Variants in PRKG1 observed in about 807,000 individuals in gnomAD.
PRKG1 encodes protein kinase cGMP-dependent 1, also known as cGMP-dependent protein kinase 1.
Under a neutral mutation model 88.1 loss-of-function variants are expected in PRKG1, and 35 were observed. The observed-to-expected ratio is 0.40, with a 90% CI of 0.30 to 0.53. The LOEUF (loss-of-function observed/expected upper bound fraction) is 0.53, where lower values mean the gene tolerates loss of function less well. Among genes scored for constraint, PRKG1 ranks in the 20% least tolerant of loss-of-function variants. The pLI is 0.59. For synonymous variants in PRKG1, 303 were observed against 292.5 expected (o/e 1.04, Z -0.37); for missense variants, 540 against 839.8 (o/e 0.64, Z 4.41).
chr10:51,381,992 C>G (rs1486412372), intron 2 of PRKG1, among the ~76,000 whole-genome samples: 1 of 152,130 alleles, frequency 6.6e-6, no homozygotes, highest in Non-Finnish European at 1.5e-5. Context: ...AACAGACTAC[C>G]TAAAATATAA....
At chr10:51,109,205 A>G (rs2131894149) in intron 1 of PRKG1, among the ~76,000 whole-genome samples, 1 of 152,308 alleles carries the variant, frequency 6.6e-6, no homozygotes, top group South Asian at 2.1e-4. Flanking sequence ...CCAAGGAGGC[A>G]TATTTGTAGA....
intron 5 of PRKG1, among the ~76,000 whole-genome samples, chr10:52,031,360 A>T (rs1317456816): frequency 6.6e-6 from 1 of 152,222 alleles, no homozygotes; most frequent in East Asian, 1.9e-4. Context: ...TCTTCTGCAG[A>T]TGTTAGAAAC....
chr10:51,342,378 C>T (rs1341466560), intron 2 of PRKG1, among the ~76,000 whole-genome samples: 8 of 151,952 alleles, frequency 5.3e-5, no homozygotes, highest in Non-Finnish European at 1.5e-5. Context: ...TTTTTTTTCA[C>T]CTCCTTATAC....
chr10:51,469,623 T>C (rs193031571), intron 3 of PRKG1, among the ~76,000 whole-genome samples: 18 of 152,052 alleles, frequency 1.2e-4, no homozygotes, highest in Admixed American at 5.9e-4. Flanking sequence ...GTGAATCTAA[T>C]TCAACAAGAA....
intron 3 of PRKG1, among the ~76,000 whole-genome samples, chr10:51,546,841 C>T (rs1842454178): frequency 6.6e-6 from 1 of 152,078 alleles, no homozygotes; most frequent in South Asian, 2.1e-4. Flanking sequence ...CTTCTTCCCT[C>T]AAACTTATAT....
intron 7 of PRKG1, among the ~76,000 whole-genome samples, chr10:52,070,011 C>T (rs1027949163): frequency 2.6e-5 from 4 of 152,052 alleles, no homozygotes; most frequent in African/African-American, 4.8e-5. Flanking sequence ...CTCTATTCCT[C>T]TCTTGAATAA....
At chr10:51,038,660 T>C (rs1188400979) in intron 1 of PRKG1, among the ~76,000 whole-genome samples, 1 of 152,216 alleles carries the variant, frequency 6.6e-6, no homozygotes, top group Admixed American at 6.5e-5. Flanking sequence ...AATGACTGGA[T>C]CTTGCTCTTT....
intron 2 of PRKG1, among the ~76,000 whole-genome samples, chr10:51,333,743 C>G (rs1419487607): frequency 6.6e-6 from 1 of 152,210 alleles, no homozygotes. Context: ...CATGCTTTCA[C>G]TGACAGGTAT....
chr10:51,281,095 G>T (rs1465524063), intron 2 of PRKG1, among the ~76,000 whole-genome samples: 1 of 152,194 alleles, frequency 6.6e-6, no homozygotes, highest in Admixed American at 6.5e-5. Context: ...AGGACCCTCA[G>T]CTGCAGGTCT....
chr10:52,059,986 T>C (rs992180085), intron 6 of PRKG1, among the ~76,000 whole-genome samples: 35 of 151,872 alleles, frequency 2.3e-4, no homozygotes, highest in African/African-American at 7.5e-4. Flanking sequence ...GGCAGAACAT[T>C]AGAAAGAAAG....
At chr10:51,163,596 G>A (rs1244539963) in intron 2 of PRKG1, among the ~76,000 whole-genome samples, 2 of 152,210 alleles carry the variant, frequency 1.3e-5, no homozygotes, top group Non-Finnish European at 2.9e-5. Context: ...GCGAGGCATT[G>A]CCTCACTCGG....
At chr10:51,808,027 T>C (rs1839352135) in intron 4 of PRKG1, among the ~76,000 whole-genome samples, 2 of 152,140 alleles carry the variant, frequency 1.3e-5, no homozygotes, top group Admixed American at 6.5e-5. Context: ...AGGTTAGCTA[T>C]ACTTGGTACC....
intron 9 of PRKG1, among the ~76,000 whole-genome samples, chr10:52,222,159 G>T (rs752948352): frequency 6.6e-6 from 1 of 152,022 alleles, no homozygotes; most frequent in Non-Finnish European, 1.5e-5. Flanking sequence ...GAAGACTCCC[G>T]TCCCTTTGAT....
intron 4 of PRKG1, among the ~76,000 whole-genome samples, chr10:51,856,440 G>C (rs1435374247): frequency 6.6e-6 from 1 of 152,122 alleles, no homozygotes; most frequent in Non-Finnish European, 1.5e-5. Context: ...ATTTTGCATG[G>C]GAAGCCATAG....
At chr10:51,065,782 T>G (rs1299193274) in intron 1 of PRKG1, among the ~76,000 whole-genome samples, 1 of 152,132 alleles carries the variant, frequency 6.6e-6, no homozygotes, top group African/African-American at 2.4e-5. Flanking sequence ...AAAATAGACA[T>G]AATTCTTTGC....
chr10:52,138,269 G>A (rs965732701), intron 8 of PRKG1, among the ~76,000 whole-genome samples: 8 of 151,784 alleles, frequency 5.3e-5, no homozygotes. Context: ...GCAAAAACCG[G>A]GACTATTGTC....
intron 2 of PRKG1, among the ~76,000 whole-genome samples, chr10:51,226,137 G>C (rs1251579082): frequency 1.3e-5 from 2 of 152,158 alleles, no homozygotes; most frequent in Non-Finnish European, 2.9e-5. Flanking sequence ...CCGGGATTCA[G>C]AGGTTGCAGT....
rs144710498 is a variant in PRKG1 at position 52,047,195 on chromosome 10, G to A, written c.763-7289G>A. 1.8e-3 allele frequency among the ~76,000 whole-genome samples: 273 copies of A among 152,128 alleles called. 2 individuals are homozygous for A. The highest frequency in any genetic ancestry group is 6.0e-3 in the African/African-American group (250 of 41,496). On this transcript the variant is annotated intron_variant, in intron 5 of 17. Transcript: ENST00000373980. ...GGTTAATTTGTGGATGATGATATGA[G>A]GAACAAAAATTTTCTTTTAGAGGAT...
intron 3 of PRKG1, chr10:51,568,893 C>T (rs779067674): frequency 4.6e-5 from 7 of 151,952 alleles, no homozygotes; most frequent in Non-Finnish European, 8.8e-5. Context: ...GGGCATAGAA[C>T]CAATATTGTT....
Sources: allele counts gnomAD v4.1 joint callset (sites outside exome capture counted in the v4.1 genomes callset), GRCh38; gene constraint gnomAD v4.1.1; transcripts MANE v1.5; gene names NCBI Gene and HGNC (gene_info 2026-07-23, HGNC 2026-07-21).